The following CR1 variants were observed in gnomAD, a reference collection of about 807,000 sequenced individuals.
CR1 encodes the protein complement receptor type 1.
CR1 carries 116 observed loss-of-function variants against 187.3 expected under a neutral mutation model. That is an observed-to-expected ratio of 0.62 (90% CI 0.53 to 0.72). The LOEUF (loss-of-function observed/expected upper bound fraction) is 0.72. CR1 is among the 30% of genes least tolerant of loss of function. The pLI, the probability that CR1 is intolerant of heterozygous loss-of-function variation, is 0.00. For missense variants in CR1, 1,731 were observed against 2,110.7 expected (o/e 0.82, Z 3.52); for synonymous variants, 576 against 747.1 (o/e 0.77, Z 3.73).
chr1:207,618,867 C>T (rs1335793105), intron 42 of CR1, among the ~76,000 whole-genome samples: 1 of 150,356 alleles, frequency 6.7e-6, no homozygotes, highest in African/African-American at 2.5e-5. Flanking sequence ...ATGGTGAAAC[C>T]CCGTTTCTAC....
chr1:207,588,563 C>A, intron 34 of CR1, 112 bp from the exon 35 acceptor site: 2 of 706,982 alleles, frequency 2.8e-6, no homozygotes, highest in Non-Finnish European at 2.4e-6. Context: ...GCAGTCAATT[C>A]CATGAAACAA....
chr1:207,620,401 G>A (rs1167401974), intron 43 of CR1, among the ~76,000 whole-genome samples: 6 of 152,202 alleles, frequency 3.9e-5, no homozygotes, highest in African/African-American at 7.2e-5. Context: ...GAGAGCAGCC[G>A]GCCTGTCTCC....
intron 35 of CR1, among the ~76,000 whole-genome samples, chr1:207,592,911 G>A (rs969334146): frequency 6.6e-6 from 1 of 151,856 alleles, no homozygotes; most frequent in African/African-American, 2.4e-5. Context: ...TCTTCAAGGA[G>A]AACTACAAAC....
chr1:207,629,811 G>A (rs546271104), intron 45 of CR1, among the ~76,000 whole-genome samples: 1 of 152,140 alleles, frequency 6.6e-6, no homozygotes, highest in South Asian at 2.1e-4. Context: ...CTTTGCAACC[G>A]CTAAGGCCTG....
At chr1:207,605,970 G>T (rs1661739191) in intron 35 of CR1, 1 of 152,160 alleles carries the variant, frequency 6.6e-6, no homozygotes, top group Non-Finnish European at 1.5e-5. Flanking sequence ...TGGTATATCA[G>T]TTAGGATTTC....
At chr1:207,515,288 T>C (rs540523774) in intron 4 of CR1, among the ~76,000 whole-genome samples, 1 of 148,768 alleles carries the variant, frequency 6.7e-6, no homozygotes, top group Admixed American at 6.8e-5. Flanking sequence ...TAGGTATATG[T>C]ATACATATAT....
chr1:207,585,626 G>A (rs779396483), intron 33 of CR1, among the ~76,000 whole-genome samples: 1 of 152,184 alleles, frequency 6.6e-6, no homozygotes, highest in Non-Finnish European at 1.5e-5. Flanking sequence ...TATCCACAGG[G>A]AAGCCCTGAG....
chr1:207,507,680 C>A (rs1238909781), intron 3 of CR1: 1 of 152,108 alleles, frequency 6.6e-6, no homozygotes, highest in East Asian at 1.9e-4. Context: ...GGTAGGAATG[C>A]AAAATGGTAC....
At chr1:207,602,029 T>C (rs1661621615) in intron 35 of CR1, among the ~76,000 whole-genome samples, 2 of 152,128 alleles carry the variant, frequency 1.3e-5, no homozygotes, top group African/African-American at 2.4e-5. Flanking sequence ...GCCTCTGAAG[T>C]TGCACACTAT....
rs545861624 is a variant in CR1, at chr1:207,616,688, A to G, written c.6775A>G (p.Arg2259Gly). The change falls in exon 41 of 47, where the codon AGA becomes GGA. Residue 2259 changes from arginine to glycine, a missense_variant. Physicochemically the swap from Arg to Gly is moderately radical, Grantham distance 125. Around this residue, in one of 5 missense-constraint regions of CR1, gnomAD observed 1,312 missense variants for 1,379.6 expected, o/e 0.95. Coordinates refer to ENST00000367049, the MANE Select transcript of CR1 (RefSeq NM_000651.6). ...ISYACDTHPD[R>G]GMTFNLIGES... ...TTACGCATGCGACACCCACCCAGACAGAGGGATGACCTTCAACCTCATTGG... is the reference window on the plus strand; with the variant it reads ...TTACGCATGCGACACCCACCCAGACGGAGGGATGACCTTCAACCTCATTGG... 7 of 1,613,962 alleles carry G rather than the reference A, an allele frequency of 4.3e-6. No homozygotes were observed. In the Admixed American group the frequency reaches 8.3e-5, roughly 19 times the overall value.
chr1:207,619,889 G>T lies in CR1; in HGVS notation c.7076G>T (p.Cys2359Phe). ...ATTTGTCTAATTTCAGAAGTAAATT[G>T]TAGCTTCCCACTGTTTATGAATGGA... ...QLDHYCKEVN[C>F]SFPLFMNGIS... Residue 2359 changes from cysteine (C) to phenylalanine (F), a missense_variant, in exon 43 of 47, where the codon TGT (cysteine) becomes TTT (phenylalanine). Coordinates refer to ENST00000367049, the MANE Select transcript of CR1 (RefSeq NM_000651.6). The T allele has an allele frequency of 7.0e-6, 11 of 1,581,472 alleles. No individual in the cohort carries two copies. Among genetic ancestry groups the T allele is most frequent in the Non-Finnish European group, 9.5e-6 (11 of 1,163,598 alleles).
intron 4 of CR1, among the ~76,000 whole-genome samples, chr1:207,514,994 TACACACACACACACACAC>T (rs369482432): frequency 8.4e-6 from 1 of 119,566 alleles, no homozygotes; most frequent in Non-Finnish European, 1.8e-5. Context: ...TATATATATA[TACACACACACACACACAC>T]ACACACACAC....
intron 33 of CR1, among the ~76,000 whole-genome samples, chr1:207,585,741 A>AT (rs1211360039): frequency 6.6e-6 from 1 of 152,170 alleles, no homozygotes. Flanking sequence ...AATGCAGTAA[A>AT]TTTTTTTAAT....
At chr1:207,612,312 G>T (rs554705963) in intron 39 of CR1, among the ~76,000 whole-genome samples, 7 of 152,178 alleles carry the variant, frequency 4.6e-5, no homozygotes, top group Non-Finnish European at 5.9e-5. Flanking sequence ...AAATGAATGG[G>T]TACGTATTTA....
intron 27 of CR1, among the ~76,000 whole-genome samples, chr1:207,574,897 CA>C (rs1191980482): frequency 6.6e-6 from 1 of 152,082 alleles, no homozygotes. Flanking sequence ...TTCCATATAG[CA>C]AGTGAGAGGG....
intron 32 of CR1, among the ~76,000 whole-genome samples, chr1:207,584,188 C>A (rs572513806): frequency 1.3e-5 from 2 of 152,068 alleles, no homozygotes; most frequent in South Asian, 4.1e-4. Flanking sequence ...CACTGATATA[C>A]AAATAATAAA....
At chr1:207,618,519 T>C (rs1266485622) in intron 42 of CR1, among the ~76,000 whole-genome samples, 1 of 152,186 alleles carries the variant, frequency 6.6e-6, no homozygotes, top group Non-Finnish European at 1.5e-5. Flanking sequence ...GATTCTGTTT[T>C]AAAGTGGGGT....
chr1:207,619,051 A>AAAAAGAAAAG lies in CR1; in HGVS notation c.7066+813_7067-811dup, dbSNP rs1553301634. Among the ~76,000 whole-genome samples, 375 of 50,418 alleles carry AAAAAGAAAAG rather than the reference A, an allele frequency of 7.4e-3. 2 individuals are homozygous for AAAAAGAAAAG. The highest frequency in any genetic ancestry group is 0.024 in the Non-Finnish European group (290 of 11,962). The allele number at this position is 50,418 out of a possible 152,430, so 33.1% of individuals were successfully genotyped here. On this transcript the variant is annotated intron_variant, in intron 42 of 46. Coordinates refer to ENST00000367049, the MANE Select transcript of CR1 (RefSeq NM_000651.6). ...GACTCCGTCTCAAAAAAAAAAAAAA[A>AAAAAGAAAAG]AAAAGAAAAGAAAAGAAAGTAAATT...
rs1050378172 is a variant in CR1, at chr1:207,514,924, GT to G, written c.487+3281del. Among the ~76,000 whole-genome samples the G allele has an allele frequency of 5.7e-5, 8 of 139,798 alleles. No homozygotes were observed. The East Asian group carries it at 8.3e-4, about 14-fold the overall frequency. 91.7% of individuals were successfully genotyped at this position (139,798 alleles called of 152,430 possible). A position where few individuals can be genotyped will look rare whatever the true frequency, so the allele number is the denominator to read the frequency against. On this transcript the variant is annotated intron_variant, in intron 4 of 46. Transcript: ENST00000367049. ...GGCCTGGAGTTTACGTTCTTGGGAAGTTTTTTTTTTTCCAACCATTTTCCTG... is the reference window on the plus strand; with the variant it reads ...GGCCTGGAGTTTACGTTCTTGGGAAGTTTTTTTTTTCCAACCATTTTCCTG...
Sources: gnomAD v4.1 joint callset for allele counts (sites outside exome capture counted in the v4.1 genomes callset) on GRCh38, gnomAD v4.1.1 for gene constraint, gnomAD v4.1.1 regional missense constraint, MANE v1.5 for transcripts, NCBI Gene and HGNC (gene_info 2026-07-23, HGNC 2026-07-21) for gene names.